Variants in CFAP61 observed in about 807,000 individuals in gnomAD.
CFAP61 encodes cilia and flagella associated protein 61, also known as cilia- and flagella-associated protein 61.
A neutral mutation model predicts 135.6 loss-of-function variants in CFAP61; 107 were observed. That is an observed-to-expected ratio of 0.79 (90% CI 0.67 to 0.93). The LOEUF (loss-of-function observed/expected upper bound fraction) is 0.93, where lower values mean the gene tolerates loss of function less well. Ranked by LOEUF, CFAP61 falls within the 40% of genes least tolerant of loss-of-function variation. CFAP61 has a pLI of 0.00. For synonymous variants in CFAP61, 575 were observed against 578.5 expected, an observed-to-expected ratio of 0.99 and a Z score of 0.09; for missense variants, 1,507 against 1,556.2, an observed-to-expected ratio of 0.97 and a Z score of 0.53.
At chr20:20,250,041 A>G (rs1274201128) in intron 19 of CFAP61, among the ~76,000 whole-genome samples, 1 of 152,178 alleles carries the variant, frequency 6.6e-6, no homozygotes, top group Non-Finnish European at 1.5e-5. Context: ...TATTAAGAAG[A>G]AATTTTCTTG....
At chr20:20,306,217 T>C (rs2056465090) in intron 25 of CFAP61, among the ~76,000 whole-genome samples, 1 of 152,176 alleles carries the variant, frequency 6.6e-6, no homozygotes, top group Non-Finnish European at 1.5e-5. Flanking sequence ...ATGCCAAAGA[T>C]GATAGTGTGG....
chr20:20,134,083 G>A (rs768271596), intron 8 of CFAP61, among the ~76,000 whole-genome samples: 7 of 152,126 alleles, frequency 4.6e-5, no homozygotes, highest in Non-Finnish European at 8.8e-5. Context: ...AAACATGCAA[G>A]ACAAACAACT....
At chr20:20,231,470 G>A (rs1054730855) in intron 18 of CFAP61, among the ~76,000 whole-genome samples, 1 of 152,150 alleles carries the variant, frequency 6.6e-6, no homozygotes, top group Non-Finnish European at 1.5e-5. Context: ...CAGCAGAGCC[G>A]AGGAGCCAGT....
At chr20:20,188,734 T>G (rs1389307016) in intron 14 of CFAP61, among the ~76,000 whole-genome samples, 2 of 152,060 alleles carry the variant, frequency 1.3e-5, no homozygotes, top group Admixed American at 1.3e-4. Context: ...ATACATTTTA[T>G]TTTGAAAAAA....
intron 9 of CFAP61, among the ~76,000 whole-genome samples, chr20:20,153,188 C>T (rs1443282447): frequency 1.3e-5 from 2 of 152,084 alleles, no homozygotes; most frequent in Admixed American, 1.3e-4. Context: ...AATAGTGACA[C>T]AATTTATCAA....
At chr20:20,337,492 A>AGATGGGTGGGTGGATGGATGGATGGATG (rs2058258498) in intron 25 of CFAP61, among the ~76,000 whole-genome samples, 2 of 36,214 alleles carry the variant, frequency 5.5e-5, no homozygotes, top group African/African-American at 1.0e-4. Context: ...ATGGATGGAT[A>AGATGGGTGGGTGGATGGATGGATGGATG]GATGGGTGGA....
At chr20:20,288,078 TAC>T (rs1011364393) in intron 22 of CFAP61, among the ~76,000 whole-genome samples, 1 of 152,078 alleles carries the variant, frequency 6.6e-6, no homozygotes, top group African/African-American at 2.4e-5. Context: ...ACCTAGTAGA[TAC>T]AGAGACTGAT....
At chr20:20,153,736 A>G (rs1450274862) in intron 9 of CFAP61, among the ~76,000 whole-genome samples, 2 of 152,104 alleles carry the variant, frequency 1.3e-5, no homozygotes, top group African/African-American at 4.8e-5. Context: ...GCCAACAAAA[A>G]AAGTCCAGGA....
intron 17 of CFAP61, chr20:20,225,286 C>T (rs1331941164): frequency 6.6e-6 from 1 of 152,098 alleles, no homozygotes; most frequent in East Asian, 1.9e-4. Flanking sequence ...ACGATTTTTT[C>T]AGGTCAGAAG....
Position 20,337,634 on chromosome 20 carries a change from G to A in CFAP61, c.3423-4197G>A, listed in dbSNP as rs4993921. Among the ~76,000 whole-genome samples, 23 of 30,780 alleles carry A rather than the reference G, an allele frequency of 7.5e-4. 3 individuals are homozygous for A. The highest frequency in any genetic ancestry group is 4.0e-3 in the East Asian group (2 of 500). 20.2% of individuals were successfully genotyped at this position (30,780 alleles called of 152,430 possible). A position where few individuals can be genotyped will look rare whatever the true frequency, so the allele number is the denominator to read the frequency against. On this transcript the variant is annotated intron_variant, in intron 25 of 26. Coordinates refer to ENST00000245957, the MANE Select transcript of CFAP61 (RefSeq NM_015585.4). ...TGGGTGGGTGGGTGGATGGATGGAT[G>A]GATGGATAGATGGGTGGGTGGGTGG...
intron 13 of CFAP61, among the ~76,000 whole-genome samples, chr20:20,181,321 A>C (rs1223781896): frequency 4.1e-5 from 6 of 144,800 alleles, no homozygotes; most frequent in Admixed American, 1.4e-4. Context: ...GTCTAAAACA[A>C]TTCATCCACT....
intron 26 of CFAP61, among the ~76,000 whole-genome samples, chr20:20,342,384 C>T (rs761343238): frequency 9.2e-5 from 14 of 152,232 alleles, no homozygotes; most frequent in Non-Finnish European, 2.1e-4. Context: ...CAAAATACTA[C>T]AGAATTAACT....
intron 15 of CFAP61, among the ~76,000 whole-genome samples, chr20:20,194,420 A>G (rs1314968686): frequency 1.3e-5 from 2 of 152,110 alleles, no homozygotes; most frequent in African/African-American, 4.8e-5. Flanking sequence ...CAGCTTGTTT[A>G]TTACATGTAA....
chr20:20,073,851 A>G (rs1262277084), intron 3 of CFAP61: 1 of 155,634 alleles, frequency 6.4e-6, no homozygotes, highest in African/African-American at 2.4e-5. Flanking sequence ...TCTGCCTTCC[A>G]TTTTTCAAAT....
At chr20:20,118,072 CCTTT>C (rs1249284539) in intron 8 of CFAP61, among the ~76,000 whole-genome samples, 1 of 151,890 alleles carries the variant, frequency 6.6e-6, no homozygotes, top group Non-Finnish European at 1.5e-5. Flanking sequence ...ATTTGGATGC[CCTTT>C]CTTTCTCTTG....
chr20:20,108,677 T>C (rs2048577192), intron 8 of CFAP61, among the ~76,000 whole-genome samples: 1 of 152,236 alleles, frequency 6.6e-6, no homozygotes, highest in Non-Finnish European at 1.5e-5. Context: ...TTCCTCCCTA[T>C]ATTTTTTAAA....
chr20:20,272,206 A>G (rs920508511), intron 21 of CFAP61, among the ~76,000 whole-genome samples: 13 of 152,190 alleles, frequency 8.5e-5, no homozygotes, highest in African/African-American at 2.9e-4. Flanking sequence ...TTGGGAGGCC[A>G]AGATAGGCAG....
chr20:20,269,145 A>G (rs1017184165), intron 21 of CFAP61, among the ~76,000 whole-genome samples: 1 of 89,310 alleles, frequency 1.1e-5, no homozygotes, highest in African/African-American at 3.5e-5. Context: ...ATATATATAT[A>G]TACACACACA....
rs376400957 is a variant in CFAP61 at position 20,269,364 on chromosome 20, CAT to C, written c.2503+6246_2503+6247del. Among the ~76,000 whole-genome samples the C allele has an allele frequency of 5.2e-3, 778 of 149,956 alleles. 3 individuals are homozygous for C. The highest frequency in any genetic ancestry group is 0.021 in the South Asian group (98 of 4,736). On this transcript the variant is annotated intron_variant, in intron 21 of 26. Coordinates refer to ENST00000245957, the MANE Select transcript of CFAP61 (RefSeq NM_015585.4). ...ACATACACATATATGTATATGTGTA[CAT>C]ATATATATATACACACACATATATA...
Sources: gnomAD v4.1 joint callset for allele counts (sites outside exome capture counted in the v4.1 genomes callset) on GRCh38, gnomAD v4.1.1 for gene constraint, MANE v1.5 for transcripts, NCBI Gene and HGNC (gene_info 2026-07-23, HGNC 2026-07-21) for gene names.